Variants in CAST observed in about 807,000 individuals in gnomAD.
CAST encodes MIR583 host.
CAST carries 76 observed loss-of-function variants against 119.6 expected under a neutral mutation model. That is an observed-to-expected ratio of 0.64 (90% CI 0.53 to 0.77). The LOEUF is 0.77. Ranked by LOEUF, CAST falls within the 30% of genes least tolerant of loss-of-function variation. The pLI, the probability that CAST is intolerant of heterozygous loss-of-function variation, is 0.00. For synonymous variants in CAST, 319 were observed against 331.6 expected (o/e 0.96, Z 0.41); for missense variants, 953 against 946.5 (o/e 1.01, Z -0.09).
chr5:96,419,311 A>G, the CAST span, among the ~76,000 whole-genome samples: 1 of 132,542 alleles, frequency 7.5e-6, no homozygotes, highest in Non-Finnish European at 1.5e-5. Flanking sequence ...ATTAAGTGAG[A>G]TATATATATA....
chr5:96,325,488 T>C, the CAST span, among the ~76,000 whole-genome samples: 2 of 151,432 alleles, frequency 1.3e-5, no homozygotes, highest in South Asian at 2.1e-4. Context: ...TATTTATTTA[T>C]TTATTTTTTG....
At chr5:96,463,777 G>A in the CAST span, among the ~76,000 whole-genome samples, 3 of 151,924 alleles carry the variant, frequency 2.0e-5, no homozygotes, top group African/African-American at 7.3e-5. Context: ...CTTCTTCTCT[G>A]CCTTCCCTAC....
chr5:96,412,498 A>C, the CAST span: 2 of 1,612,994 alleles, frequency 1.2e-6, no homozygotes, highest in Admixed American at 3.3e-5. Context: ...TGCCTGAGAA[A>C]CAAAATAAAC....
At chr5:96,021,603 G>A in the CAST span, among the ~76,000 whole-genome samples, 118 of 151,878 alleles carry the variant, frequency 7.8e-4, no homozygotes, top group Middle Eastern at 3.2e-3. Context: ...CCGCCACCAC[G>A]CCCAGCTAAT....
intron 1 of CAST, among the ~76,000 whole-genome samples, chr5:96,663,488 G>A (rs1014611636): frequency 6.6e-6 from 1 of 152,254 alleles, no homozygotes; most frequent in African/African-American, 2.4e-5. Context: ...ATTCTGTCTA[G>A]GAGGTGGATT....
the CAST span, among the ~76,000 whole-genome samples, chr5:96,508,816 A>G: frequency 8.9e-3 from 1,356 of 152,320 alleles, 30 homozygotes; most frequent in African/African-American, 0.031. Flanking sequence ...GAAACATGGC[A>G]GAGTAGTTAA....
At chr5:96,459,519 G>A in the CAST span, among the ~76,000 whole-genome samples, 1 of 152,064 alleles carries the variant, frequency 6.6e-6, no homozygotes, top group Non-Finnish European at 1.5e-5. Context: ...AAAAAAGTGG[G>A]CCATGATGGC....
the CAST span, among the ~76,000 whole-genome samples, chr5:96,324,806 T>C: frequency 6.6e-6 from 1 of 152,212 alleles, no homozygotes; most frequent in South Asian, 2.1e-4. Flanking sequence ...CCTTACCTTT[T>C]TCCCCAGGTT....
chr5:96,139,537 T>C, the CAST span, among the ~76,000 whole-genome samples: 2 of 91,408 alleles, frequency 2.2e-5, no homozygotes, highest in South Asian at 6.5e-4. Context: ...TATACATATA[T>C]ATATGTATAT....
intron 1 of CAST, among the ~76,000 whole-genome samples, chr5:96,531,211 G>A (rs1346047910): frequency 6.6e-6 from 1 of 152,194 alleles, no homozygotes; most frequent in Non-Finnish European, 1.5e-5. Context: ...GAGTGATTGA[G>A]TGTGACAGAG....
intron 1 of CAST, among the ~76,000 whole-genome samples, chr5:96,559,160 C>G (rs569476003): frequency 6.6e-6 from 1 of 152,092 alleles, no homozygotes; most frequent in African/African-American, 2.4e-5. Flanking sequence ...TTCAACAACC[C>G]TTCATGCTAA....
chr5:96,101,463 A>G, the CAST span, among the ~76,000 whole-genome samples: 2 of 152,084 alleles, frequency 1.3e-5, no homozygotes, highest in Non-Finnish European at 2.9e-5. Context: ...CTTGCTTACA[A>G]ATTTTACGTA....
chr5:96,627,757 G>A (rs981412699), intron 1 of CAST, among the ~76,000 whole-genome samples: 1 of 152,240 alleles, frequency 6.6e-6, no homozygotes, highest in Non-Finnish European at 1.5e-5. Context: ...GAGGAACCTA[G>A]ATAGGTAATT....
chr5:96,353,360 A>G, the CAST span, among the ~76,000 whole-genome samples: 41,882 of 152,000 alleles, frequency 0.28, 5,816 homozygotes, highest in East Asian at 0.31. Flanking sequence ...TGGCATCCAA[A>G]CTTATATGAC....
upstream of CAST, among the ~76,000 whole-genome samples, chr5:96,527,992 T>A (rs1448875242): frequency 8.5e-5 from 13 of 152,216 alleles, no homozygotes; most frequent in Non-Finnish European, 5.9e-5. Flanking sequence ...AGCCATAAAG[T>A]CCATAGCAAC....
chr5:96,068,381 A>C, the CAST span, among the ~76,000 whole-genome samples: 2 of 152,038 alleles, frequency 1.3e-5, no homozygotes, highest in African/African-American at 4.8e-5. Flanking sequence ...CACCTTGAGA[A>C]TCATGCTCCA....
chr5:96,624,784 G>T (rs1019653022), intron 1 of CAST, among the ~76,000 whole-genome samples: 3 of 152,180 alleles, frequency 2.0e-5, no homozygotes, highest in African/African-American at 7.2e-5. Flanking sequence ...TTCCCATAGG[G>T]CATTACTATG....
chr5:96,316,599 C>T, the CAST span, among the ~76,000 whole-genome samples: 1 of 152,194 alleles, frequency 6.6e-6, no homozygotes, highest in Admixed American at 6.5e-5. Context: ...AAAGCACCAA[C>T]AGCTGAACAT....
chr5:96,016,063 TAGA>T, the CAST span, among the ~76,000 whole-genome samples: 4 of 152,100 alleles, frequency 2.6e-5, no homozygotes, highest in African/African-American at 9.7e-5. Context: ...AGTTGAAAGG[TAGA>T]AGAGCAGAGC....
Sources: gnomAD v4.1 joint callset for allele counts (sites outside exome capture counted in the v4.1 genomes callset) on GRCh38, gnomAD v4.1.1 for gene constraint, MANE v1.5 for transcripts, NCBI Gene and HGNC (gene_info 2026-07-23, HGNC 2026-07-21) for gene names.